The following KCNG2 variants were observed in gnomAD, a reference collection of about 807,000 sequenced individuals.
KCNG2 encodes the protein voltage-gated potassium channel regulatory subunit KCNG2.
KCNG2 carries 7 observed loss-of-function variants against 12.3 expected under a neutral mutation model. The observed-to-expected ratio is 0.57, with a 90% CI of 0.32 to 1.07. The LOEUF (loss-of-function observed/expected upper bound fraction) is 1.07, where lower values mean the gene tolerates loss of function less well. Among genes scored for constraint, KCNG2 ranks in the 50% least tolerant of loss-of-function variants. KCNG2 has a pLI of 0.04. For missense variants in KCNG2, 703 were observed against 726.0 expected (o/e 0.97, Z 0.36); for synonymous variants, 414 against 351.4 (o/e 1.18, Z -1.99).
At chr18:79,863,545 G>C (rs917258203) in intron 2 of KCNG2, 83 bp from the exon 3 acceptor site, 1 of 1,070,564 alleles carries the variant, frequency 9.3e-7, no homozygotes, top group Middle Eastern at 4.0e-4. Context: ...GTTCGGTGCC[G>C]GCCCGGCCCC....
intron 1 of KCNG2, among the ~76,000 whole-genome samples, chr18:79,848,621 A>G (rs1978705101): frequency 6.6e-6 from 1 of 152,166 alleles, no homozygotes; most frequent in Admixed American, 6.5e-5. Context: ...AGACTCGCAC[A>G]CACTTCCGGG....
At chr18:79,841,925 T>C (rs1400522398) in intron 1 of KCNG2, among the ~76,000 whole-genome samples, 1 of 152,194 alleles carries the variant, frequency 6.6e-6, no homozygotes. Flanking sequence ...TAGCACAATA[T>C]GGAGATACTC....
rs192233705 is a variant in KCNG2, at chr18:79,896,440, A to G, written c.625-2600A>G. ...TTCTCCCTTTTGGTGCGATTGTTGTAATACACATTGTTACAATTGTTGCTT... is the reference window on the plus strand; with the variant it reads ...TTCTCCCTTTTGGTGCGATTGTTGTGATACACATTGTTACAATTGTTGCTT... On this transcript the variant is annotated intron_variant, in intron 3 of 3. Coordinates refer to ENST00000316249, the MANE Select transcript of KCNG2 (RefSeq NM_012283.2). 5.9e-5 allele frequency among the ~76,000 whole-genome samples: 9 copies of G among 152,314 alleles called. No homozygotes were observed. In the East Asian group the frequency reaches 1.7e-3, roughly 29 times the overall value.
At chr18:79,816,018 C>T (rs893714925) in intron 1 of KCNG2, 1 of 152,192 alleles carries the variant, frequency 6.6e-6, no homozygotes, top group Non-Finnish European at 1.5e-5. Context: ...TTTTTCTTTG[C>T]TTTTATTGTA....
In KCNG2 at chr18:79,825,931, G is replaced by A. The variant is rs574093871; in HGVS notation, c.-115+27917G>A. Among the ~76,000 whole-genome samples the A allele has an allele frequency of 2.0e-5, 3 of 152,368 alleles. No homozygotes were observed. In the South Asian group the frequency reaches 6.2e-4, roughly 32 times the overall value. ...CCCATGGACGGCAGGTGGGAGCGCGGACACCTGTCGCCCTCTCGGCCGCTC... is the reference window on the plus strand; with the variant it reads ...CCCATGGACGGCAGGTGGGAGCGCGAACACCTGTCGCCCTCTCGGCCGCTC... On this transcript the variant is annotated intron_variant, in intron 1 of 3. Coordinates refer to ENST00000316249, the MANE Select transcript of KCNG2 (RefSeq NM_012283.2).
intron 3 of KCNG2, among the ~76,000 whole-genome samples, chr18:79,872,279 A>ATTTTTTTTTTTTTTT (rs1568265416): frequency 8.3e-5 from 4 of 48,116 alleles, no homozygotes; most frequent in Admixed American, 2.9e-4. Flanking sequence ...TCAAAGCTTC[A>ATTTTTTTTTTTTTTT]GTTTTTTTTT....
chr18:79,857,522 G>A (rs1005705786), intron 2 of KCNG2, among the ~76,000 whole-genome samples: 4 of 151,490 alleles, frequency 2.6e-5, no homozygotes, highest in African/African-American at 4.9e-5. Context: ...CGCTTGGGTC[G>A]AGTGGGCAGT....
At chr18:79,818,223 G>A (rs574242639) in intron 1 of KCNG2, among the ~76,000 whole-genome samples, 2 of 152,222 alleles carry the variant, frequency 1.3e-5, no homozygotes, top group Non-Finnish European at 2.9e-5. Flanking sequence ...TCATCAGATC[G>A]GGAGACACCA....
intron 3 of KCNG2, among the ~76,000 whole-genome samples, chr18:79,888,833 C>A (rs987620788): frequency 2.0e-5 from 3 of 152,076 alleles, no homozygotes; most frequent in African/African-American, 7.3e-5. Context: ...CACCACCACG[C>A]CCAGCTATTT....
At chr18:79,844,170 C>T (rs141383315) in intron 1 of KCNG2, among the ~76,000 whole-genome samples, 90 of 152,262 alleles carry the variant, frequency 5.9e-4, no homozygotes, top group Middle Eastern at 3.4e-3. Context: ...CCTAAGTGCC[C>T]ATTCATGGAT....
At chr18:79,816,259 C>T (rs988327379) in intron 1 of KCNG2, 3 of 152,468 alleles carry the variant, frequency 2.0e-5, no homozygotes, top group African/African-American at 2.4e-5. Flanking sequence ...CCCCAAGTTC[C>T]CTCCTCAGAG....
intron 3 of KCNG2, among the ~76,000 whole-genome samples, chr18:79,865,534 C>T (rs1979462732): frequency 9.4e-6 from 1 of 106,160 alleles, no homozygotes; most frequent in Non-Finnish European, 1.8e-5. Flanking sequence ...GGTCTGTGTG[C>T]TGAGAGGTCT....
intron 1 of KCNG2, among the ~76,000 whole-genome samples, chr18:79,804,823 G>A (rs535601826): frequency 3.3e-5 from 5 of 152,232 alleles, no homozygotes; most frequent in Non-Finnish European, 5.9e-5. Context: ...CAGAAGACTT[G>A]GAAATGAAAA....
At chr18:79,875,001 G>A (rs982361414) in intron 3 of KCNG2, among the ~76,000 whole-genome samples, 3 of 152,266 alleles carry the variant, frequency 2.0e-5, no homozygotes, top group South Asian at 2.1e-4. Context: ...ACACCCCAGC[G>A]GGACAGCCTC....
At chr18:79,835,013 C>T (rs1264848879) in intron 1 of KCNG2, among the ~76,000 whole-genome samples, 1 of 152,168 alleles carries the variant, frequency 6.6e-6, no homozygotes, top group African/African-American at 2.4e-5. Context: ...ATATGGGGAG[C>T]AGTAACAAGA....
Position 79,803,737 on chromosome 18 carries a change from G to A in KCNG2, c.-115+5723G>A, listed in dbSNP as rs1185386620. 2.0e-5 allele frequency among the ~76,000 whole-genome samples: 3 copies of A among 152,214 alleles called. No homozygotes were observed. Among genetic ancestry groups the A allele is most frequent in the South Asian group, 2.1e-4 (1 of 4,830 alleles). On this transcript the variant is annotated intron_variant, in intron 1 of 3. Transcript: ENST00000316249. This position sits in a 1 kb window ranked among gnomAD's most constrained non-coding sequence, Gnocchi z 4.5. ...GTCCAGGAGCCCTCACAGCTCAGCCGGGGCCCTCCTGCGTCTCCCGACCAC... is the reference window on the plus strand; with the variant it reads ...GTCCAGGAGCCCTCACAGCTCAGCCAGGGCCCTCCTGCGTCTCCCGACCAC...
intron 3 of KCNG2, among the ~76,000 whole-genome samples, chr18:79,885,776 G>A (rs1980503513): frequency 6.6e-6 from 1 of 152,038 alleles, no homozygotes; most frequent in Admixed American, 6.5e-5. Context: ...ACAGGAACAT[G>A]GGGACACAGG....
In KCNG2 at chr18:79,800,298, G is replaced by T. The variant is rs1381529871; in HGVS notation, c.-115+2284G>T. Among the ~76,000 whole-genome samples, 1 of 152,126 alleles carries T rather than the reference G, an allele frequency of 6.6e-6. No homozygotes were observed. The highest frequency in any genetic ancestry group is 2.4e-5 in the African/African-American group (1 of 41,418). Reference sequence around the variant, plus strand: ...GTACTGCGCGCCTGTCCACGGATGGGTAATTTTGTAATGAATGGGGATATC... The same window carrying T: ...GTACTGCGCGCCTGTCCACGGATGGTTAATTTTGTAATGAATGGGGATATC... On this transcript the variant is annotated intron_variant, in intron 1 of 3. Coordinates refer to ENST00000316249, the MANE Select transcript of KCNG2 (RefSeq NM_012283.2). The surrounding 1 kb of genome is among the most constrained non-coding windows in gnomAD (Gnocchi z 4.0).
intron 3 of KCNG2, among the ~76,000 whole-genome samples, chr18:79,872,096 G>A (rs2123091129): frequency 6.6e-6 from 1 of 152,254 alleles, no homozygotes; most frequent in African/African-American, 2.4e-5. Flanking sequence ...GTGGAGGCCT[G>A]CAAACGGCAG....
Sources: allele counts gnomAD v4.1 joint callset (sites outside exome capture counted in the v4.1 genomes callset), GRCh38; gene constraint gnomAD v4.1.1; non-coding constraint Gnocchi (gnomAD v3.1); transcripts MANE v1.5; gene names NCBI Gene and HGNC (gene_info 2026-07-23, HGNC 2026-07-21).